Variants in ZNF267 observed in about 807,000 individuals in gnomAD.
ZNF267 encodes the protein zinc finger (C2H2).
In ZNF267, 61 loss-of-function variants were observed where a neutral mutation model predicts 71.6. The ratio of observed to expected loss-of-function variants is 0.85; its 90% CI spans 0.69 to 1.05. The LOEUF (loss-of-function observed/expected upper bound fraction) is 1.05. Ranked by LOEUF, ZNF267 falls within the 50% of genes least tolerant of loss-of-function variation. The probability of loss-of-function intolerance (pLI) is 0.00; values close to 1 mark genes in which losing one functional copy is unlikely to be tolerated. For missense variants in ZNF267, 852 were observed against 870.0 expected, an observed-to-expected ratio of 0.98 and a Z score of 0.26; for synonymous variants, 288 against 293.2, an observed-to-expected ratio of 0.98 and a Z score of 0.18.
At chr16:31,907,417 T>C (rs897128137) in intron 3 of ZNF267, among the ~76,000 whole-genome samples, 3 of 152,196 alleles carry the variant, frequency 2.0e-5, no homozygotes, top group Non-Finnish European at 4.4e-5. Context: ...TGACCTGTTA[T>C]CAAGTGTGCT....
intron 3 of ZNF267, among the ~76,000 whole-genome samples, chr16:31,908,136 G>A (rs560801438): frequency 4.6e-5 from 7 of 152,324 alleles, no homozygotes; most frequent in African/African-American, 1.4e-4. Flanking sequence ...AGGAGAATCA[G>A]TTAACTTCAG....
intron 3 of ZNF267, among the ~76,000 whole-genome samples, chr16:31,897,152 C>CAAAAAAAAAA (rs200961055): frequency 8.8e-6 from 1 of 113,226 alleles, no homozygotes. Flanking sequence ...CAAAACAAAA[C>CAAAAAAAAAA]AAAACAAAAA....
At chr16:31,891,663 C>A (rs1432910254) in intron 3 of ZNF267, among the ~76,000 whole-genome samples, 3 of 152,224 alleles carry the variant, frequency 2.0e-5, no homozygotes, top group African/African-American at 7.2e-5. Context: ...CACAGGCTCT[C>A]TTCTCTTGTC....
At chr16:31,876,169 A>G (rs17709279) in intron 1 of ZNF267, among the ~76,000 whole-genome samples, 1,724 of 152,264 alleles carry the variant, frequency 0.011, 18 homozygotes, top group Non-Finnish European at 0.017. Flanking sequence ...AGAAGTTATG[A>G]CAGTGGATAT....
chr16:31,908,231 C>T (rs918774301), intron 3 of ZNF267, among the ~76,000 whole-genome samples: 2 of 151,922 alleles, frequency 1.3e-5, no homozygotes, highest in East Asian at 1.9e-4. Flanking sequence ...AATCTTGTGC[C>T]CATTTTTGAT....
At chr16:31,913,943 C>T (rs2084153430) in intron 3 of ZNF267, 1 of 152,568 alleles carries the variant, frequency 6.6e-6, no homozygotes, top group Admixed American at 6.5e-5. Flanking sequence ...GACAGAATCC[C>T]ATTTACTTTT....
At chr16:31,891,894 G>T (rs962022112) in intron 3 of ZNF267, among the ~76,000 whole-genome samples, 3 of 152,206 alleles carry the variant, frequency 2.0e-5, no homozygotes, top group African/African-American at 7.2e-5. Context: ...AAGCAACTTT[G>T]GAACTGGGTA....
In ZNF267 at chr16:31,914,928, C is replaced by G. The variant is rs1390041028; in HGVS notation, c.679C>G (p.Gln227Glu). 2.5e-6 allele frequency: 4 copies of G among 1,611,286 alleles called. No individual in the cohort carries two copies. In the East Asian group the frequency reaches 6.7e-5, roughly 27 times the overall value. The change falls in exon 4 of 4, where the codon CAA becomes GAA. Residue 227 changes from glutamine to glutamate, a missense_variant. Coordinates refer to ENST00000300870, the MANE Select transcript of ZNF267 (RefSeq NM_003414.6). Reference protein sequence around the residue: ...HCNNSEKTLNQSSSPKNHQEN... With the variant: ...HCNNSEKTLNESSSPKNHQEN... The stretch of plus-strand genomic sequence containing the variant: ...CAATAATTCTGAAAAAACCTTGAAC[C>G]AAAGCTCAAGCCCTAAAAATCATCA...
chr16:31,915,292 A>G lies in ZNF267; in HGVS notation c.1043A>G (p.Lys348Arg). 6.2e-7 allele frequency: 1 copy of G among 1,613,896 alleles called. No homozygotes were observed. Among genetic ancestry groups the G allele is most frequent in the Non-Finnish European group, 8.5e-7 (1 of 1,179,848 alleles). Reference sequence around the variant, plus strand: ...CATCAGATCATTCCTACCGAAGAGAAACCCTGTAAATGGAAAGAATGTGGC... The same window carrying G: ...CATCAGATCATTCCTACCGAAGAGAGACCCTGTAAATGGAAAGAATGTGGC... ...TQHQIIPTEE[K>R]PCKWKECGKV... Residue 348 changes from lysine to arginine, a missense_variant, in exon 4 of 4, where the codon AAA (lysine) becomes AGA (arginine). By Grantham distance (26) the Lys-to-Arg change is conservative (BLOSUM62 2). Coordinates refer to ENST00000300870, the MANE Select transcript of ZNF267 (RefSeq NM_003414.6).
intron 3 of ZNF267, among the ~76,000 whole-genome samples, chr16:31,904,504 C>T (rs572467224): frequency 3.3e-5 from 5 of 152,196 alleles, no homozygotes; most frequent in African/African-American, 7.2e-5. Flanking sequence ...GGATAGTTAG[C>T]TCTTCTTGTT....
intron 1 of ZNF267, 42 bp from the exon 2 acceptor site, chr16:31,884,456 G>T (rs755841843): frequency 1.2e-6 from 2 of 1,613,050 alleles, no homozygotes; most frequent in Non-Finnish European, 8.5e-7. Flanking sequence ...GAAGAACTCT[G>T]CCATGGCCAC....
rs1483011097 is a variant in ZNF267, at chr16:31,916,884, A to T, written c.*403A>T. ...AGAGAATTTATGTGAGAAAGGACTA[A>T]AGCACAGACACTTTCAGCCTTTATA... On this transcript the variant is annotated 3_prime_UTR_variant, in exon 4 of 4. Coordinates refer to ENST00000300870, the MANE Select transcript of ZNF267 (RefSeq NM_003414.6). The T allele has an allele frequency of 5.8e-6, 1 of 171,044 alleles. No individual in the cohort carries two copies. The highest frequency in any genetic ancestry group is 1.3e-5 in the Non-Finnish European group (1 of 78,754). 10.6% of individuals were successfully genotyped at this position (171,044 alleles called of 1,614,324 possible).
At position 31,915,258 on chromosome 16, in the gene ZNF267, C is replaced by T; in HGVS notation, c.1009C>T (p.Leu337Phe). 6.2e-7 allele frequency: 1 copy of T among 1,613,906 alleles called. No homozygotes were observed. The highest frequency in any genetic ancestry group is 1.7e-4 in the Middle Eastern group (1 of 6,056). The change falls in exon 4 of 4, where the codon CTT (leucine) becomes TTT (phenylalanine). Residue 337 changes from leucine (L) to phenylalanine (F), a missense_variant. By Grantham distance (22) the Leu-to-Phe change is conservative (BLOSUM62 0). Coordinates refer to ENST00000300870, the MANE Select transcript of ZNF267 (RefSeq NM_003414.6). ...CGDSLNHSLH[L>F]TQHQIIPTEE... ...GGATAGCTTAAACCATAGTTTGCACCTTACTCAACATCAGATCATTCCTAC... is the reference window on the plus strand; with the variant it reads ...GGATAGCTTAAACCATAGTTTGCACTTTACTCAACATCAGATCATTCCTAC...
At chr16:31,875,369 A>G (rs1425119243) in intron 1 of ZNF267, 4 of 1,227,096 alleles carry the variant, frequency 3.3e-6, no homozygotes, top group Non-Finnish European at 4.2e-6. Flanking sequence ...CTCCTGGGAC[A>G]CCCTTAACCT....
At chr16:31,880,223 C>T (rs2083880174) in intron 1 of ZNF267, among the ~76,000 whole-genome samples, 1 of 152,168 alleles carries the variant, frequency 6.6e-6, no homozygotes, top group Non-Finnish European at 1.5e-5. Context: ...GAGTGAGGCC[C>T]TCAGAGTTTT....
chr16:31,881,347 G>A (rs2083888703), intron 1 of ZNF267, among the ~76,000 whole-genome samples: 1 of 151,848 alleles, frequency 6.6e-6, no homozygotes, highest in African/African-American at 2.4e-5. Context: ...TCTGAGCCTG[G>A]TCCAGGTCTG....
At chr16:31,897,148 A>C (rs1482309881) in intron 3 of ZNF267, among the ~76,000 whole-genome samples, 2 of 149,642 alleles carry the variant, frequency 1.3e-5, no homozygotes, top group Non-Finnish European at 3.0e-5. Context: ...AAAACAAAAC[A>C]AAACAAAACA....
intron 3 of ZNF267, among the ~76,000 whole-genome samples, chr16:31,900,168 AAAG>A (rs2084028490): frequency 6.6e-6 from 1 of 152,074 alleles, no homozygotes; most frequent in Non-Finnish European, 1.5e-5. Context: ...ATTAAAAAAA[AAAG>A]AGAGCCATAC....
chr16:31,894,365 A>C (rs1038163802), intron 3 of ZNF267, among the ~76,000 whole-genome samples: 1 of 152,170 alleles, frequency 6.6e-6, no homozygotes, highest in Non-Finnish European at 1.5e-5. Flanking sequence ...TCTTCCTTAT[A>C]GCTTGAAGAA....
Sources: gnomAD v4.1 joint callset for allele counts (sites outside exome capture counted in the v4.1 genomes callset) on GRCh38, gnomAD v4.1.1 for gene constraint, MANE v1.5 for transcripts, NCBI Gene and HGNC (gene_info 2026-07-23, HGNC 2026-07-21) for gene names.